The following LDAH variants were observed in gnomAD, a reference collection of about 807,000 sequenced individuals.
LDAH encodes lipid droplet associated hydrolase.
A neutral mutation model predicts 29.6 loss-of-function variants in LDAH; 26 were observed. The ratio of observed to expected loss-of-function variants is 0.88; its 90% CI spans 0.64 to 1.22. The LOEUF is 1.22. Among genes scored for constraint, LDAH ranks in the 50% most tolerant of loss-of-function variants. The probability of loss-of-function intolerance (pLI) is 0.00; values close to 1 mark genes in which losing one functional copy is unlikely to be tolerated. For missense variants in LDAH, 344 were observed against 387.3 expected (o/e 0.89, Z 0.94); for synonymous variants, 117 against 133.0 (o/e 0.88, Z 0.83).
At chr2:20,809,331 G>A (rs149389107) in intron 1 of LDAH, among the ~76,000 whole-genome samples, 2,703 of 152,114 alleles carry the variant, frequency 0.018, 77 homozygotes, top group African/African-American at 0.062. Flanking sequence ...CCAGGGAGTC[G>A]GAGGTTGCAG....
At chr2:20,752,230 T>C (rs1420400486) in intron 4 of LDAH, among the ~76,000 whole-genome samples, 2 of 151,966 alleles carry the variant, frequency 1.3e-5, no homozygotes, top group Non-Finnish European at 1.5e-5. Context: ...TATACTTCAA[T>C]TTAAAAATAT....
chr2:20,743,994 G>A (rs1470608519), intron 4 of LDAH, among the ~76,000 whole-genome samples: 1 of 151,406 alleles, frequency 6.6e-6, no homozygotes, highest in African/African-American at 2.4e-5. Flanking sequence ...CTACTGATAA[G>A]CCCATCAAAG....
At chr2:20,702,486 T>C (rs1169770493) in intron 5 of LDAH, among the ~76,000 whole-genome samples, 1 of 152,244 alleles carries the variant, frequency 6.6e-6, no homozygotes, top group East Asian at 1.9e-4. Flanking sequence ...TATTCACATA[T>C]ATTGAGATCA....
In LDAH at chr2:20,721,888, T is replaced by A. The variant is rs370868289; in HGVS notation, c.703+18083A>T. On this transcript the variant is annotated intron_variant, in intron 5 of 6. Transcript: ENST00000237822. ...ACAGTACCCAAGATACTAATGAATC[T>A]AAGTGTCCATCAGTTGGTGAATGGA... Among the ~76,000 whole-genome samples, 172 of 152,288 alleles carry A rather than the reference T, an allele frequency of 1.1e-3. 4 individuals are homozygous for A. The South Asian group carries it at 0.035, about 31-fold the overall frequency.
intron 1 of LDAH, among the ~76,000 whole-genome samples, chr2:20,812,073 A>G (rs11694470): frequency 0.069 from 10,450 of 152,200 alleles, 457 homozygotes; most frequent in Non-Finnish European, 0.1. Flanking sequence ...GGGGAAATGT[A>G]AAAGAAGGGA....
Position 20,801,446 on chromosome 2 carries a change from C to T in LDAH, c.18G>A (p.Lys6=), listed in dbSNP as rs139807745. The change falls in exon 2 of 7, where the codon AAG becomes AAA. Residue 6 remains lysine (K), a synonymous_variant. Coordinates refer to ENST00000237822, the MANE Select transcript of LDAH (RefSeq NM_021925.4). ...ATTCCTCATGCACAGGAATTTCTTC[C>T]TTGAGTTCTGAGTCCATTTCTAAAT... MDSEL[K]EEIPVHEEFI... 1.9e-6 allele frequency: 3 copies of T among 1,613,870 alleles called. No individual in the cohort carries two copies. Among genetic ancestry groups the T allele is most frequent in the Non-Finnish European group, 2.5e-6 (3 of 1,179,940 alleles).
intron 3 of LDAH, chr2:20,789,323 G>A: frequency 6.5e-7 from 1 of 1,538,716 alleles, no homozygotes; most frequent in Non-Finnish European, 8.8e-7. Context: ...CACCACGAGA[G>A]GACAGCAAGA....
At chr2:20,715,239 T>A (rs1665082724) in intron 5 of LDAH, among the ~76,000 whole-genome samples, 1 of 152,204 alleles carries the variant, frequency 6.6e-6, no homozygotes, top group Admixed American at 6.5e-5. Flanking sequence ...TGCAAATCAA[T>A]AAATGTAATC....
intron 5 of LDAH, among the ~76,000 whole-genome samples, chr2:20,731,405 T>C (rs1353860728): frequency 8.5e-5 from 13 of 152,322 alleles, no homozygotes; most frequent in African/African-American, 3.1e-4. Flanking sequence ...CACTTTGCCT[T>C]CTGCCATAAG....
chr2:20,723,833 GT>G (rs1665832830), intron 5 of LDAH, among the ~76,000 whole-genome samples: 2 of 152,224 alleles, frequency 1.3e-5, no homozygotes, highest in African/African-American at 4.8e-5. Context: ...GAAATGTCTA[GT>G]AGCAGTAGTA....
intron 4 of LDAH, among the ~76,000 whole-genome samples, chr2:20,766,658 T>C (rs1010710029): frequency 3.3e-5 from 5 of 152,250 alleles, no homozygotes; most frequent in African/African-American, 1.2e-4. Flanking sequence ...TTGGGATCCA[T>C]TAATGGATTG....
At chr2:20,719,582 T>A (rs1284155817) in intron 5 of LDAH, among the ~76,000 whole-genome samples, 1 of 152,120 alleles carries the variant, frequency 6.6e-6, no homozygotes, top group East Asian at 1.9e-4. Flanking sequence ...CTACTCAAAC[T>A]ACTTTAAAAA....
chr2:20,790,397 A>G lies in LDAH; in HGVS notation c.156T>C (p.Gly52=). Residue 52 remains glycine, a splice_region_variant and synonymous_variant, in exon 3 of 7, where the codon GGT becomes GGC. Coordinates refer to ENST00000237822, the MANE Select transcript of LDAH (RefSeq NM_021925.4). The part of the protein sequence containing the change: ...RPKLLIFIIP[G]NPGFSAFYVP... ...CATAAAAGGCAGAAAAACCTGGGTT[A>G]CCTAAGAAAAGAAACACAGACCTTA... 2.5e-6 allele frequency: 4 copies of G among 1,612,436 alleles called. No individual in the cohort carries two copies. The highest frequency in any genetic ancestry group is 3.4e-6 in the Non-Finnish European group (4 of 1,179,526).
chr2:20,813,721 T>C (rs1290175582), intron 1 of LDAH, among the ~76,000 whole-genome samples: 1 of 152,248 alleles, frequency 6.6e-6, no homozygotes, highest in East Asian at 1.9e-4. Flanking sequence ...TCTGCAACCC[T>C]ATCATCACTA....
intron 4 of LDAH, among the ~76,000 whole-genome samples, chr2:20,741,966 T>C (rs551414569): frequency 6.6e-6 from 1 of 152,222 alleles, no homozygotes; most frequent in Non-Finnish European, 1.5e-5. Flanking sequence ...TTTTATTTTA[T>C]GGCACGATCC....
chr2:20,783,765 G>A (rs1009795676), intron 3 of LDAH, among the ~76,000 whole-genome samples: 3 of 152,314 alleles, frequency 2.0e-5, no homozygotes, highest in South Asian at 2.1e-4. Flanking sequence ...AGACTAGAGT[G>A]CAGTGGCATG....
chr2:20,700,245 G>A (rs991893688), intron 6 of LDAH, among the ~76,000 whole-genome samples: 2 of 152,154 alleles, frequency 1.3e-5, no homozygotes, highest in African/African-American at 2.4e-5. Flanking sequence ...CTCTCCCTTC[G>A]GCTAGTGAGG....
At chr2:20,767,468 C>T (rs1669121177) in intron 4 of LDAH, among the ~76,000 whole-genome samples, 1 of 152,222 alleles carries the variant, frequency 6.6e-6, no homozygotes, top group Non-Finnish European at 1.5e-5. Context: ...CCTGCCACCT[C>T]AGTCCCCTCT....
intron 3 of LDAH, among the ~76,000 whole-genome samples, chr2:20,783,956 G>A (rs149533370): frequency 6.6e-6 from 1 of 152,198 alleles, no homozygotes; most frequent in East Asian, 1.9e-4. Flanking sequence ...CAAGCAATCT[G>A]TTGACCTCGT....
Sources: gnomAD v4.1 joint callset for allele counts (sites outside exome capture counted in the v4.1 genomes callset) on GRCh38, gnomAD v4.1.1 for gene constraint, MANE v1.5 for transcripts, NCBI Gene and HGNC (gene_info 2026-07-23, HGNC 2026-07-21) for gene names.